The following ATIC variants were observed in gnomAD, a reference collection of about 807,000 sequenced individuals.
ATIC encodes 5-aminoimidazole-4-carboxamide ribonucleotide formyltransferase/IMP cyclohydrolase, also known as bifunctional purine biosynthesis protein ATIC.
A neutral mutation model predicts 72.5 loss-of-function variants in ATIC; 64 were observed. That is an observed-to-expected ratio of 0.88 (90% CI 0.72 to 1.09). ATIC has a LOEUF of 1.09. ATIC is among the 50% of genes least tolerant of loss of function. The pLI is 0.00. For synonymous variants in ATIC, 281 were observed against 267.1 expected (o/e 1.05, Z -0.51); for missense variants, 787 against 732.4 (o/e 1.07, Z -0.86).
chr2:215,362,116 T>A, the ATIC span: 1 of 1,475,254 alleles, frequency 6.8e-7, no homozygotes, highest in Non-Finnish European at 9.5e-7. Flanking sequence ...ATGGGGTTTA[T>A]GATAACCTGA....
At chr2:215,335,415 A>G (rs2052943796) in intron 10 of ATIC, among the ~76,000 whole-genome samples, 2 of 152,216 alleles carry the variant, frequency 1.3e-5, no homozygotes, top group Admixed American at 1.3e-4. Flanking sequence ...TATTCCAGAC[A>G]GGTGGGGGTA....
chr2:215,362,140 T>C, the ATIC span: 2 of 1,307,820 alleles, frequency 1.5e-6, no homozygotes, highest in Non-Finnish European at 2.2e-6. Flanking sequence ...CATCGTAATT[T>C]AGTGTTTGAG....
intron 4 of ATIC, among the ~76,000 whole-genome samples, chr2:215,321,730 A>G (rs1042772870): frequency 6.6e-6 from 1 of 152,180 alleles, no homozygotes; most frequent in Non-Finnish European, 1.5e-5. Context: ...ATAATGTGGA[A>G]CACCGTTGGA....
At chr2:215,361,579 A>G in the ATIC span, 1 of 1,611,516 alleles carries the variant, frequency 6.2e-7, no homozygotes, top group South Asian at 1.1e-5. Flanking sequence ...CTTCTCTGTC[A>G]GCCTGTACAT....
downstream of ATIC, among the ~76,000 whole-genome samples, chr2:215,350,854 A>C (rs2053125299): frequency 6.6e-6 from 1 of 152,080 alleles, no homozygotes; most frequent in African/African-American, 2.4e-5. Context: ...GTTCACCTTT[A>C]CCAATGAGTC....
Position 215,312,063 on chromosome 2 carries a change from C to G in ATIC, c.-80C>G. 1 of 1,520,304 alleles carries G rather than the reference C, an allele frequency of 6.6e-7. No homozygotes were observed. The highest frequency in any genetic ancestry group is 8.8e-7 in the Non-Finnish European group (1 of 1,136,184). The allele number at this position is 1,520,304 out of a possible 1,614,324, so 94.2% of individuals were successfully genotyped here. A position where few individuals can be genotyped will look rare whatever the true frequency, so the allele number is the denominator to read the frequency against. ...CGCCCCCTCGCTTCCTGAGCCGCCA[C>G]ATCCCGGCAGCCCTCCTACCTGCGC... On this transcript the variant is annotated 5_prime_UTR_variant, in exon 1 of 16. Coordinates refer to ENST00000236959, the MANE Select transcript of ATIC (RefSeq NM_004044.7).
the ATIC span, among the ~76,000 whole-genome samples, chr2:215,357,692 GGAGT>G: frequency 0.13 from 19,505 of 152,118 alleles, 1,727 homozygotes; most frequent in East Asian, 0.5. Context: ...ATGAGGATAT[GGAGT>G]GAGACGATGT....
Position 215,338,909 on chromosome 2 carries a change from T to A in ATIC, c.1227+2T>A, listed in dbSNP as rs1160820198. ...AATGTTGTTACCAAAAATAAAGATG[T>A]AAGTTGGGAAGTATCTGAACTGACT... On this transcript the variant is annotated splice_donor_variant, in intron 12 of 15. Transcript: ENST00000236959. LOFTEE classifies it high-confidence loss of function. The A allele has an allele frequency of 1.9e-5, 30 of 1,613,086 alleles. No individual in the cohort carries two copies. Among genetic ancestry groups the A allele is most frequent in the Non-Finnish European group, 2.5e-5 (30 of 1,179,472 alleles).
the ATIC span, chr2:215,362,512 A>T: frequency 1.3e-5 from 3 of 228,430 alleles, no homozygotes; most frequent in Non-Finnish European, 2.7e-5. Flanking sequence ...GAGAGGAGTG[A>T]CTTGCTTAGA....
chr2:215,332,681 A>T (rs560930353), intron 8 of ATIC, among the ~76,000 whole-genome samples, 174 bp downstream of exon 8: 1 of 152,348 alleles, frequency 6.6e-6, no homozygotes, highest in South Asian at 2.1e-4. Flanking sequence ...ACACACACAC[A>T]GAATTGTGTA....
At chr2:215,342,800 C>T (rs925200995) in intron 12 of ATIC, among the ~76,000 whole-genome samples, 1 of 152,088 alleles carries the variant, frequency 6.6e-6, no homozygotes, top group African/African-American at 2.4e-5. Context: ...CTGCCTCAGC[C>T]TCCCAGGGAG....
In ATIC at chr2:215,349,532, C is replaced by G. The variant is rs777003424; in HGVS notation, c.1660-4C>G. 9.1e-5 allele frequency: 147 copies of G among 1,613,934 alleles called. No homozygotes were observed. Among genetic ancestry groups the G allele is most frequent in the Non-Finnish European group, 1.2e-4 (142 of 1,180,032 alleles). ...CGTTTTGAAAATCAATATACTTCCC[C>G]CAGAGTGGTGTGGCGTACATTGCGG... is the stretch of plus-strand genomic sequence containing the variant. On this transcript the variant is annotated splice_region_variant and splice_polypyrimidine_tract_variant and intron_variant, in intron 15 of 15. Coordinates refer to ENST00000236959, the MANE Select transcript of ATIC (RefSeq NM_004044.7).
the ATIC span, among the ~76,000 whole-genome samples, chr2:215,359,403 CCA>C: frequency 6.6e-6 from 1 of 152,160 alleles, no homozygotes; most frequent in East Asian, 1.9e-4. Context: ...TTGTCCCTTC[CCA>C]CAGTGTGTAG....
intron 2 of ATIC, among the ~76,000 whole-genome samples, chr2:215,317,538 T>G (rs1367217642): frequency 6.6e-6 from 1 of 152,180 alleles, no homozygotes; most frequent in Admixed American, 6.5e-5. Context: ...CAGGCTGGAG[T>G]GCAGTGGCAT....
At chr2:215,314,512 C>G (rs76813491) in intron 2 of ATIC, among the ~76,000 whole-genome samples, 1 of 146,844 alleles carries the variant, frequency 6.8e-6, no homozygotes, top group Non-Finnish European at 1.5e-5. Context: ...TTTTTTTTTT[C>G]TCTGAGATAG....
chr2:215,347,740 C>T (rs1195836040), intron 14 of ATIC: 6 of 467,132 alleles, frequency 1.3e-5, no homozygotes, highest in Non-Finnish European at 2.6e-5. Flanking sequence ...TATTACCAGT[C>T]AACCCCTGCT....
intron 10 of ATIC, among the ~76,000 whole-genome samples, chr2:215,335,381 C>T (rs529273504): frequency 6.6e-6 from 1 of 152,068 alleles, no homozygotes; most frequent in African/African-American, 2.4e-5. Context: ...ATAAACTTAC[C>T]CCATCAGTTG....
chr2:215,350,006 C>G (rs1182843208), downstream of ATIC, among the ~76,000 whole-genome samples: 2 of 152,136 alleles, frequency 1.3e-5, no homozygotes, highest in East Asian at 1.9e-4. Context: ...TTATACCCAT[C>G]TTAAAGGTGG....
chr2:215,332,497 C>T lies in ATIC; in HGVS notation c.804C>T (p.Val268=). Residue 268 remains valine, a synonymous_variant, in exon 8 of 16, where the codon GTC becomes GTT. Coordinates refer to ENST00000236959, the MANE Select transcript of ATIC (RefSeq NM_004044.7). ...CAGCCGCTGCCTCTTTCAAACATGT[C>T]AGCCCAGCAGGTAAAGCTCTGTGCT... ...GIPAAASFKH[V]SPAGAAVGIP... The T allele has an allele frequency of 6.2e-7, 1 of 1,614,134 alleles. No individual in the cohort carries two copies. Among genetic ancestry groups the T allele is most frequent in the African/African-American group, 1.3e-5 (1 of 75,032 alleles).
Sources: gnomAD v4.1 joint callset for allele counts (sites outside exome capture counted in the v4.1 genomes callset) on GRCh38, gnomAD v4.1.1 for gene constraint, MANE v1.5 for transcripts, NCBI Gene and HGNC (gene_info 2026-07-23, HGNC 2026-07-21) for gene names.